CLSTN2: variants seen among roughly 807,000 people sequenced by gnomAD.
CLSTN2 encodes calsyntenin 2.
In CLSTN2, 48 loss-of-function variants were observed where a neutral mutation model predicts 101.2. The ratio of observed to expected loss-of-function variants is 0.47; its 90% CI spans 0.38 to 0.60. The LOEUF is 0.60. CLSTN2 is among the 20% of genes least tolerant of loss of function. CLSTN2 has a pLI of 0.00. For missense variants in CLSTN2, 1,160 were observed against 1,238.2 expected, an observed-to-expected ratio of 0.94 and a Z score of 0.95; for synonymous variants, 481 against 463.6, an observed-to-expected ratio of 1.04 and a Z score of -0.48.
intron 1 of CLSTN2, among the ~76,000 whole-genome samples, chr3:140,169,499 A>G (rs1361448998): frequency 6.6e-6 from 1 of 152,210 alleles, no homozygotes; most frequent in Non-Finnish European, 1.5e-5. Context: ...CTACAGTACA[A>G]TGTGAATAGA....
chr3:140,104,828 G>T (rs2009025063), intron 1 of CLSTN2, among the ~76,000 whole-genome samples: 1 of 152,150 alleles, frequency 6.6e-6, no homozygotes, highest in Admixed American at 6.5e-5. Context: ...ACAAAAATTA[G>T]CCAGGCATGG....
At chr3:140,399,648 C>T (rs909048747) in intron 2 of CLSTN2, among the ~76,000 whole-genome samples, 1 of 152,212 alleles carries the variant, frequency 6.6e-6, no homozygotes, top group Middle Eastern at 3.4e-3. Context: ...TTAATTCTTA[C>T]CACAACAGTA....
intron 1 of CLSTN2, among the ~76,000 whole-genome samples, chr3:140,084,576 A>C (rs183886049): frequency 1.3e-3 from 197 of 152,276 alleles, no homozygotes; most frequent in Non-Finnish European, 2.5e-4. Context: ...ACTGCAACAG[A>C]ATGTGTTGCT....
chr3:140,422,452 G>A (rs1246477250), intron 5 of CLSTN2, among the ~76,000 whole-genome samples: 1 of 152,092 alleles, frequency 6.6e-6, no homozygotes, highest in African/African-American at 2.4e-5. Context: ...CCCCTCAGAA[G>A]GCAGTTCTCA....
chr3:140,135,117 C>CACACACACACATATATATAT (rs1488268767), intron 1 of CLSTN2, among the ~76,000 whole-genome samples: 1 of 58,118 alleles, frequency 1.7e-5, no homozygotes, highest in African/African-American at 8.6e-5. Context: ...CACACACACA[C>CACACACACACATATATATAT]ATATATATAT....
intron 8 of CLSTN2, among the ~76,000 whole-genome samples, chr3:140,501,107 C>T (rs1934565641): frequency 6.6e-6 from 1 of 152,088 alleles, no homozygotes; most frequent in African/African-American, 2.4e-5. Context: ...CACATGGTGC[C>T]CAAGTTACCT....
chr3:140,148,386 A>G (rs1211107963), intron 1 of CLSTN2, among the ~76,000 whole-genome samples: 1 of 152,138 alleles, frequency 6.6e-6, no homozygotes, highest in Non-Finnish European at 1.5e-5. Flanking sequence ...TTTATGTTCA[A>G]CCATTTTTTT....
At position 139,993,162 on chromosome 3, in the gene CLSTN2, C is replaced by T. The variant is rs1936144477; in HGVS notation, c.109+57679C>T. On this transcript the variant is annotated intron_variant, in intron 1 of 16. Coordinates refer to ENST00000458420, the MANE Select transcript of CLSTN2 (RefSeq NM_022131.3). ...ACACAGGCCCTCTTTCTTCTCATTC[C>T]CTCATAGGGAGATCCAGCCTGGCCT... is the stretch of plus-strand genomic sequence containing the variant. Among the ~76,000 whole-genome samples, 7 of 152,106 alleles carry T rather than the reference C, an allele frequency of 4.6e-5. No individual in the cohort carries two copies. In the South Asian group the frequency reaches 1.5e-3, roughly 32 times the overall value.
At chr3:140,423,083 A>G (rs347320) in intron 5 of CLSTN2, among the ~76,000 whole-genome samples, 58,322 of 152,102 alleles carry the variant, frequency 0.38, 11,752 homozygotes, top group East Asian at 0.68. Flanking sequence ...CAGCTATGTC[A>G]GAAGAATAGT....
chr3:140,240,663 G>GACTTGCTGAAGCTTGGTGA (rs1264766367), intron 2 of CLSTN2, among the ~76,000 whole-genome samples: 4 of 152,168 alleles, frequency 2.6e-5, no homozygotes, highest in Non-Finnish European at 5.9e-5. Context: ...GCCAAGGGGT[G>GACTTGCTGAAGCTTGGTGA]AGGACTTTGC....
intron 5 of CLSTN2, among the ~76,000 whole-genome samples, chr3:140,437,625 G>C (rs2088701835): frequency 6.6e-6 from 1 of 152,222 alleles, no homozygotes; most frequent in African/African-American, 2.4e-5. Context: ...ACAACAGAAA[G>C]AGGCTGGCTG....
At chr3:140,381,447 A>G (rs1236723124) in intron 2 of CLSTN2, among the ~76,000 whole-genome samples, 1 of 152,200 alleles carries the variant, frequency 6.6e-6, no homozygotes, top group African/African-American at 2.4e-5. Flanking sequence ...TGGAAACCAT[A>G]CAGTGTCTTT....
intron 2 of CLSTN2, among the ~76,000 whole-genome samples, chr3:140,310,283 C>A (rs1207619634): frequency 6.6e-6 from 1 of 151,822 alleles, no homozygotes; most frequent in South Asian, 2.1e-4. Context: ...CCCCACCGCA[C>A]CCCCTCCCCG....
chr3:140,494,146 AC>A (rs1463887651), intron 8 of CLSTN2, among the ~76,000 whole-genome samples: 3 of 152,212 alleles, frequency 2.0e-5, no homozygotes, highest in Non-Finnish European at 1.5e-5. Flanking sequence ...AAAGCTTAGA[AC>A]CAATTGTGTG....
chr3:139,994,596 C>T (rs550712879), intron 1 of CLSTN2, among the ~76,000 whole-genome samples: 4 of 152,294 alleles, frequency 2.6e-5, no homozygotes, highest in Admixed American at 2.6e-4. Context: ...TGCAAGCAAA[C>T]CTTCCAGGAT....
intron 1 of CLSTN2, among the ~76,000 whole-genome samples, chr3:140,057,994 T>C (rs910615125): frequency 4.6e-5 from 7 of 152,228 alleles, no homozygotes; most frequent in African/African-American, 1.7e-4. Flanking sequence ...GTTCACGCTC[T>C]GCAAGGCCTT....
intron 2 of CLSTN2, among the ~76,000 whole-genome samples, chr3:140,382,313 G>A (rs576538912): frequency 6.7e-4 from 102 of 152,256 alleles, no homozygotes; most frequent in Non-Finnish European, 1.2e-3. Context: ...CCCACCCTTA[G>A]CTCAGATCCT....
rs1576374977 is a variant in CLSTN2, at chr3:139,953,931, T to TGTGTGTG, written c.109+18448_109+18449insGTGTGTG. ...AGAGAAGGGCTCTGTGTGTGTGTGT[T>TGTGTGTG]TGTGTGTGTGTGTGTGTGTGTGTTT... On this transcript the variant is annotated intron_variant, in intron 1 of 16. Coordinates refer to ENST00000458420, the MANE Select transcript of CLSTN2 (RefSeq NM_022131.3). Among the ~76,000 whole-genome samples the TGTGTGTG allele has an allele frequency of 9.9e-3, 1,464 of 147,470 alleles. 27 individuals are homozygous for TGTGTGTG. The highest frequency in any genetic ancestry group is 0.036 in the African/African-American group (1,406 of 39,592).
intron 1 of CLSTN2, among the ~76,000 whole-genome samples, chr3:140,043,708 G>A (rs2007808510): frequency 6.6e-6 from 1 of 152,144 alleles, no homozygotes; most frequent in South Asian, 2.1e-4. Context: ...TATATAAGGT[G>A]TAAGGAAGGG....
Sources: allele counts gnomAD v4.1 joint callset (sites outside exome capture counted in the v4.1 genomes callset), GRCh38; gene constraint gnomAD v4.1.1; transcripts MANE v1.5; gene names NCBI Gene and HGNC (gene_info 2026-07-23, HGNC 2026-07-21).